The following GABRA1 variants were observed in gnomAD, a reference collection of about 807,000 sequenced individuals.
GABRA1 encodes gamma-aminobutyric acid receptor subunit alpha-1.
A neutral mutation model predicts 48.9 loss-of-function variants in GABRA1; 9 were observed. The ratio of observed to expected loss-of-function variants is 0.18; its 90% CI spans 0.11 to 0.32. The LOEUF (loss-of-function observed/expected upper bound fraction) is 0.32. Ranked by LOEUF, GABRA1 falls within the 10% of genes least tolerant of loss-of-function variation. The pLI is 1.00. For synonymous variants in GABRA1, 210 were observed against 198.7 expected (o/e 1.06, Z -0.48); for missense variants, 285 against 553.8 (o/e 0.51, Z 4.87).
intron 2 of GABRA1, among the ~76,000 whole-genome samples, chr5:161,852,761 C>T (rs1757501511): frequency 6.6e-6 from 1 of 151,788 alleles, no homozygotes; most frequent in Admixed American, 6.6e-5. Flanking sequence ...TACATATATC[C>T]AATATTATGG....
chr5:161,872,341 G>A (rs1235374229), intron 4 of GABRA1: 1 of 152,584 alleles, frequency 6.6e-6, no homozygotes, highest in Middle Eastern at 3.2e-3. Context: ...AAGGAATGCT[G>A]TGTTTATTCA....
intron 3 of GABRA1, 147 bp from the exon 4 acceptor site, chr5:161,865,574 G>A (rs1382400973): frequency 6.9e-6 from 5 of 724,984 alleles, no homozygotes; most frequent in Non-Finnish European, 1.3e-5. Flanking sequence ...TGTGTAAGCA[G>A]TAAATTATCA....
intron 7 of GABRA1, among the ~76,000 whole-genome samples, chr5:161,886,658 C>T (rs1330187933): frequency 1.3e-5 from 2 of 151,932 alleles, no homozygotes; most frequent in Non-Finnish European, 2.9e-5. Flanking sequence ...TGTTTGTAGT[C>T]CCAGCCACTT....
chr5:161,859,798 A>G (rs1467922392), intron 3 of GABRA1, among the ~76,000 whole-genome samples: 1 of 151,906 alleles, frequency 6.6e-6, no homozygotes, highest in Non-Finnish European at 1.5e-5. Flanking sequence ...AAGTGATAGC[A>G]TTAGATAAAA....
intron 3 of GABRA1, among the ~76,000 whole-genome samples, chr5:161,857,505 A>C (rs1337083290): frequency 6.6e-6 from 1 of 151,564 alleles, no homozygotes; most frequent in Non-Finnish European, 1.5e-5. Flanking sequence ...ATACTGTAAA[A>C]CTATTTTAAA....
chr5:161,887,283 G>A (rs1754891349), intron 7 of GABRA1, among the ~76,000 whole-genome samples: 1 of 152,078 alleles, frequency 6.6e-6, no homozygotes, highest in African/African-American at 2.4e-5. Flanking sequence ...ATGTAATCAT[G>A]ACCCAGAAGG....
At chr5:161,881,573 T>C (rs779779359) in intron 6 of GABRA1, among the ~76,000 whole-genome samples, 1 of 151,706 alleles carries the variant, frequency 6.6e-6, no homozygotes, top group Non-Finnish European at 1.5e-5. Flanking sequence ...AAGAGGAGAG[T>C]AAACTCAGAC....
At chr5:161,881,709 A>G (rs1335134669) in intron 6 of GABRA1, 3 of 151,990 alleles carry the variant, frequency 2.0e-5, no homozygotes, top group Non-Finnish European at 2.9e-5. Context: ...ACCTCATTTC[A>G]TCTCTCATAT....
chr5:161,894,269 C>T (rs1181294068), intron 8 of GABRA1, among the ~76,000 whole-genome samples: 1 of 152,128 alleles, frequency 6.6e-6, no homozygotes, highest in Non-Finnish European at 1.5e-5. Context: ...AGTCAATTTT[C>T]TCAACGTCAT....
chr5:161,868,502 G>C (rs1400826914), intron 4 of GABRA1, among the ~76,000 whole-genome samples: 1 of 152,118 alleles, frequency 6.6e-6, no homozygotes, highest in Non-Finnish European at 1.5e-5. Flanking sequence ...GGAATTGGGA[G>C]CATACAGAAA....
chr5:161,881,298 G>T (rs1006930038), intron 6 of GABRA1, among the ~76,000 whole-genome samples: 1 of 152,026 alleles, frequency 6.6e-6, no homozygotes, highest in African/African-American at 2.4e-5. Context: ...AAGAGAGTAC[G>T]TACTATCATT....
chr5:161,854,872 G>T (rs1581179028), intron 3 of GABRA1, among the ~76,000 whole-genome samples: 1 of 151,412 alleles, frequency 6.6e-6, no homozygotes, highest in Non-Finnish European at 1.5e-5. Context: ...GAAGAAGACA[G>T]CACTTAATAA....
chr5:161,875,128 G>T (rs1281391487), intron 5 of GABRA1, among the ~76,000 whole-genome samples: 3 of 152,264 alleles, frequency 2.0e-5, no homozygotes, highest in Middle Eastern at 3.4e-3. Flanking sequence ...TTTAGAGAAA[G>T]AAGCAGAGAG....
At position 161,858,469 on chromosome 5, in the gene GABRA1, T is replaced by C. The variant is rs78434754; in HGVS notation, c.187+4199T>C. 3.3e-3 allele frequency among the ~76,000 whole-genome samples: 499 copies of C among 151,776 alleles called. 3 individuals are homozygous for C. The highest frequency in any genetic ancestry group is 0.011 in the African/African-American group (470 of 41,474). On this transcript the variant is annotated intron_variant, in intron 3 of 9. Transcript: ENST00000393943. ...CTTCCAGTGATATGTTTCTCCTCCCTTTTGCCCCACCATATATACAGGCTA... is the reference window on the plus strand; with the variant it reads ...CTTCCAGTGATATGTTTCTCCTCCCCTTTGCCCCACCATATATACAGGCTA...
At chr5:161,882,795 G>A in intron 7 of GABRA1, 94 bp downstream of exon 7, 1 of 1,265,466 alleles carries the variant, frequency 7.9e-7, no homozygotes, top group Non-Finnish European at 1.1e-6. Flanking sequence ...AAGTCTAGGA[G>A]AGAGAACATT....
At chr5:161,851,008 T>C in intron 2 of GABRA1, 124 bp downstream of exon 2, 1 of 782,564 alleles carries the variant, frequency 1.3e-6, no homozygotes, top group Admixed American at 2.0e-5. Flanking sequence ...TTAACTGCAA[T>C]AATTTCCAGC....
In GABRA1 at chr5:161,899,230, T is replaced by C. The variant is rs936536450; in HGVS notation, c.*1808T>C. ...CTCAAAAAGCTGCTATCCAATGATA[T>C]AGGAAAATACATTGTGTTTTCCTAA... On this transcript the variant is annotated 3_prime_UTR_variant, in exon 10 of 10. Transcript: ENST00000393943. The C allele has an allele frequency of 2.6e-5, 4 of 152,604 alleles. No individual in the cohort carries two copies. The highest frequency in any genetic ancestry group is 5.9e-5 in the Non-Finnish European group (4 of 67,996). 9.5% of individuals were successfully genotyped at this position (152,604 alleles called of 1,614,324 possible). A position where few individuals can be genotyped will look rare whatever the true frequency, so the allele number is the denominator to read the frequency against.
intron 4 of GABRA1, among the ~76,000 whole-genome samples, chr5:161,870,903 C>T (rs955023696): frequency 1.3e-5 from 2 of 151,432 alleles, no homozygotes; most frequent in South Asian, 2.1e-4. Flanking sequence ...CAACTTCTAA[C>T]AGTGCAGAAA....
At chr5:161,871,875 T>A (rs1754136035) in intron 4 of GABRA1, among the ~76,000 whole-genome samples, 1 of 152,182 alleles carries the variant, frequency 6.6e-6, no homozygotes, top group Admixed American at 6.5e-5. Context: ...TAATAATAAT[T>A]GTTAGTTACT....
Sources: gnomAD v4.1 joint callset for allele counts (sites outside exome capture counted in the v4.1 genomes callset) on GRCh38, gnomAD v4.1.1 for gene constraint, MANE v1.5 for transcripts, NCBI Gene and HGNC (gene_info 2026-07-23, HGNC 2026-07-21) for gene names.